Variants in THADA observed in about 807,000 individuals in gnomAD.
THADA encodes the protein tRNA (32-2'-O)-methyltransferase regulator THADA.
THADA carries 213 observed loss-of-function variants against 219.8 expected under a neutral mutation model. The ratio of observed to expected loss-of-function variants is 0.97; its 90% CI spans 0.87 to 1.09. The LOEUF (loss-of-function observed/expected upper bound fraction) is 1.09, where lower values mean the gene tolerates loss of function less well. THADA is among the 50% of genes least tolerant of loss of function. The pLI, the probability that THADA is intolerant of heterozygous loss-of-function variation, is 0.00. For missense variants in THADA, 2,956 were observed against 2,311.3 expected (o/e 1.28, Z -5.72); for synonymous variants, 1,018 against 828.9 (o/e 1.23, Z -3.92).
chr2:43,292,936 G>T lies in THADA; in HGVS notation c.4716C>A (p.Ala1572=). 1 of 1,614,030 alleles carries T rather than the reference G, an allele frequency of 6.2e-7. No individual in the cohort carries two copies. The highest frequency in any genetic ancestry group is 1.7e-5 in the Admixed American group (1 of 60,020). The change falls in exon 32 of 38, where the codon GCC becomes GCA. Residue 1572 remains alanine (A), a synonymous_variant. Coordinates refer to ENST00000405975, the MANE Select transcript of THADA (RefSeq NM_022065.5). ...EALLEKFLAA[A]SGLGEKGVPP... The stretch of plus-strand genomic sequence containing the variant: ...GCACGCCCTTCTCTCCAAGTCCAGA[G>T]GCTGCTGCTAAGAACTTTTCCAAGA...
At chr2:43,542,525 C>T (rs1296274103) in intron 20 of THADA, among the ~76,000 whole-genome samples, 4 of 152,152 alleles carry the variant, frequency 2.6e-5, no homozygotes, top group East Asian at 1.9e-4. Flanking sequence ...CTTCTGATGA[C>T]GTTTTACAGC....
intron 26 of THADA, among the ~76,000 whole-genome samples, chr2:43,444,389 C>T (rs1229673479): frequency 6.6e-6 from 1 of 152,210 alleles, no homozygotes; most frequent in Admixed American, 6.5e-5. Context: ...ACAACTTACT[C>T]CCATCTGGGT....
At chr2:43,316,403 GA>G (rs568144148) in intron 31 of THADA, among the ~76,000 whole-genome samples, 47 of 151,940 alleles carry the variant, frequency 3.1e-4, no homozygotes, top group African/African-American at 1.1e-3. Context: ...AAATAAACAA[GA>G]AAAAAAATGA....
intron 29 of THADA, among the ~76,000 whole-genome samples, chr2:43,389,035 T>G (rs1465728904): frequency 1.3e-5 from 2 of 152,164 alleles, no homozygotes; most frequent in African/African-American, 4.8e-5. Context: ...CCAGAGACCT[T>G]GCTACCCACT....
At chr2:43,279,001 C>T (rs1267183969) in intron 36 of THADA, among the ~76,000 whole-genome samples, 2 of 152,170 alleles carry the variant, frequency 1.3e-5, no homozygotes, top group African/African-American at 4.8e-5. Context: ...ACAGAGAATC[C>T]GAGTCTGCTA....
chr2:43,563,189 T>C (rs1408265613), intron 15 of THADA: 1 of 152,250 alleles, frequency 6.6e-6, no homozygotes, highest in Non-Finnish European at 1.5e-5. Context: ...TTTACAGCTA[T>C]AACTTTCCCT....
chr2:43,242,227 C>A (rs1668694963), intron 36 of THADA, among the ~76,000 whole-genome samples: 1 of 152,212 alleles, frequency 6.6e-6, no homozygotes, highest in Non-Finnish European at 1.5e-5. Flanking sequence ...CTGGGTACTG[C>A]CCAGATACCA....
intron 25 of THADA, among the ~76,000 whole-genome samples, chr2:43,496,601 G>A (rs1412052102): frequency 6.6e-6 from 1 of 151,678 alleles, no homozygotes; most frequent in African/African-American, 2.4e-5. Context: ...TAATCATTAG[G>A]GAAATGCAAA....
At chr2:43,254,555 G>A (rs1670120290) in intron 36 of THADA, among the ~76,000 whole-genome samples, 1 of 152,064 alleles carries the variant, frequency 6.6e-6, no homozygotes, top group Non-Finnish European at 1.5e-5. Flanking sequence ...CTCGATGCTT[G>A]TACCACACTA....
intron 36 of THADA, among the ~76,000 whole-genome samples, chr2:43,252,546 A>G (rs1429527496): frequency 6.6e-6 from 1 of 152,200 alleles, no homozygotes; most frequent in East Asian, 1.9e-4. Context: ...CTCCCACATC[A>G]TATGGCCTCT....
At chr2:43,557,029 G>A (rs888211887) in intron 16 of THADA, among the ~76,000 whole-genome samples, 4 of 152,180 alleles carry the variant, frequency 2.6e-5, no homozygotes, top group South Asian at 2.1e-4. Context: ...GCTGCAGTGA[G>A]CAGTGATTGC....
chr2:43,570,108 T>C (rs567563717), intron 14 of THADA, among the ~76,000 whole-genome samples: 43 of 152,298 alleles, frequency 2.8e-4, no homozygotes, highest in African/African-American at 1.0e-3. Context: ...TACCCTTCTG[T>C]TAAAAGTACT....
At chr2:43,405,127 G>A (rs1675373678) in intron 28 of THADA, among the ~76,000 whole-genome samples, 1 of 152,138 alleles carries the variant, frequency 6.6e-6, no homozygotes, top group African/African-American at 2.4e-5. Context: ...TTTCTCTGGG[G>A]CCTATTCACT....
At chr2:43,485,151 A>T in intron 26 of THADA, 83 bp downstream of exon 26, 1 of 969,718 alleles carries the variant, frequency 1.0e-6, no homozygotes, top group Non-Finnish European at 1.6e-6. Context: ...CTATAACAGT[A>T]GGCACAATTT....
intron 17 of THADA, 184 bp downstream of exon 17, chr2:43,556,161 T>C (rs1697314072): frequency 7.9e-7 from 1 of 1,261,152 alleles, no homozygotes; most frequent in African/African-American, 1.5e-5. Context: ...ATCCACTGTT[T>C]AGAAAAAAGT....
In THADA at chr2:43,424,588, T is replaced by C. The variant is rs1678175891; in HGVS notation, c.4058+3512A>G. Among the ~76,000 whole-genome samples, 5 of 152,220 alleles carry C rather than the reference T, an allele frequency of 3.3e-5. No homozygotes were observed. The South Asian group carries it at 1.0e-3, about 32-fold the overall frequency. On this transcript the variant is annotated intron_variant, in intron 28 of 37. Transcript: ENST00000405975. ...GTTTTATGATCAGCCTTCCACTTTC[T>C]TCATGAATAATATTCTCAGAGGTCA...
chr2:43,318,079 G>A (rs78542595), intron 31 of THADA, among the ~76,000 whole-genome samples: 2,021 of 151,620 alleles, frequency 0.013, 140 homozygotes, highest in Admixed American at 0.094. Flanking sequence ...TCGCTCTGTC[G>A]CCCAGGCTGG....
chr2:43,291,899 A>C, intron 33 of THADA, 131 bp from the exon 34 acceptor site: 1 of 867,496 alleles, frequency 1.2e-6, no homozygotes. Context: ...GGTTACAAAA[A>C]TGCCTCCGGA....
intron 30 of THADA, among the ~76,000 whole-genome samples, chr2:43,337,979 C>G (rs771212917): frequency 6.6e-6 from 1 of 151,878 alleles, no homozygotes; most frequent in Non-Finnish European, 1.5e-5. Context: ...AATGTCAAGA[C>G]AATGATAACT....
Sources: allele counts gnomAD v4.1 joint callset (sites outside exome capture counted in the v4.1 genomes callset), GRCh38; gene constraint gnomAD v4.1.1; transcripts MANE v1.5; gene names NCBI Gene and HGNC (gene_info 2026-07-23, HGNC 2026-07-21).